Variants in ATP8B4 observed in about 807,000 individuals in gnomAD.
The protein encoded by ATP8B4 is ATPase phospholipid transporting 8B4 (putative), also known as probable phospholipid-transporting ATPase IM.
In ATP8B4, 133 loss-of-function variants were observed where a neutral mutation model predicts 145.6. That is an observed-to-expected ratio of 0.91 (90% CI 0.79 to 1.05). The LOEUF (loss-of-function observed/expected upper bound fraction) is 1.05. ATP8B4 is among the 50% of genes least tolerant of loss of function. ATP8B4 has a pLI of 0.00. For missense variants in ATP8B4, 1,458 were observed against 1,425.2 expected (o/e 1.02, Z -0.37); for synonymous variants, 507 against 492.9 (o/e 1.03, Z -0.38).
intron 1 of ATP8B4, among the ~76,000 whole-genome samples, chr15:50,173,175 G>A (rs1431501337): frequency 5.3e-5 from 8 of 151,724 alleles, no homozygotes; most frequent in African/African-American, 1.2e-4. Context: ...CTGCCCGGCC[G>A]CCACCCCGTC....
At chr15:50,098,534 T>C (rs1451236828) in intron 2 of ATP8B4, among the ~76,000 whole-genome samples, 1 of 151,884 alleles carries the variant, frequency 6.6e-6, no homozygotes, top group Non-Finnish European at 1.5e-5. Flanking sequence ...TCCTCCCACC[T>C]CAGCCTCCCA....
chr15:50,141,439 A>G (rs775093208), intron 1 of ATP8B4, among the ~76,000 whole-genome samples: 2 of 152,110 alleles, frequency 1.3e-5, no homozygotes, highest in Non-Finnish European at 2.9e-5. Flanking sequence ...GGCTGAGAGG[A>G]CCTCACAGGC....
At position 49,996,754 on chromosome 15, in the gene ATP8B4, G is replaced by A. The variant is rs759224177; in HGVS notation, c.512C>T (p.Thr171Met). The change falls in exon 9 of 28, where the codon ACG becomes ATG. Residue 171 changes from threonine to methionine, a missense_variant. Transcript: ENST00000284509. Reference sequence around the variant, plus strand: ...TAGTGCATGGCGGACTTTTAGGTTCGTTTCCCTGTGAAATTATTGACATGA... The same window carrying A: ...TAGTGCATGGCGGACTTTTAGGTTCATTTCCCTGTGAAATTATTGACATGA... ...YVETAELDGE[T>M]NLKVRHALSV... 5.0e-6 allele frequency: 8 copies of A among 1,607,904 alleles called. No individual in the cohort carries two copies. Among genetic ancestry groups the A allele is most frequent in the Non-Finnish European group, 3.4e-6 (4 of 1,175,674 alleles).
intron 14 of ATP8B4, among the ~76,000 whole-genome samples, chr15:49,947,394 T>A (rs1339621796): frequency 7.1e-6 from 1 of 140,134 alleles, no homozygotes; most frequent in African/African-American, 2.7e-5. Context: ...ATCTCACCAC[T>A]GCACTCCAGC....
chr15:49,903,811 T>C (rs1426539118), intron 20 of ATP8B4, among the ~76,000 whole-genome samples: 1 of 152,040 alleles, frequency 6.6e-6, no homozygotes, highest in Non-Finnish European at 1.5e-5. Context: ...GGAGAATCAC[T>C]TGAACCTGGG....
chr15:49,943,637 GA>G (rs1309677075), intron 14 of ATP8B4, among the ~76,000 whole-genome samples: 1 of 152,082 alleles, frequency 6.6e-6, no homozygotes. Flanking sequence ...CTTCAAAAAC[GA>G]AAGAGAGATA....
At chr15:49,888,153 C>T (rs747940832) in intron 23 of ATP8B4, among the ~76,000 whole-genome samples, 8 of 152,172 alleles carry the variant, frequency 5.3e-5, no homozygotes, top group Non-Finnish European at 7.4e-5. Flanking sequence ...AAAACCCGCT[C>T]GCAGCATCCA....
chr15:50,179,204 C>T (rs570298632), intron 1 of ATP8B4, among the ~76,000 whole-genome samples: 1 of 152,306 alleles, frequency 6.6e-6, no homozygotes, highest in South Asian at 2.1e-4. Context: ...ATAGCAGAAA[C>T]TCAATAAATA....
chr15:49,924,068 A>G (rs2040494607), intron 16 of ATP8B4, among the ~76,000 whole-genome samples: 1 of 152,010 alleles, frequency 6.6e-6, no homozygotes, highest in African/African-American at 2.4e-5. Flanking sequence ...CACTTCACAG[A>G]GGGGCTTTTA....
intron 1 of ATP8B4, among the ~76,000 whole-genome samples, chr15:50,176,045 G>GTATATATATACTGCAGAGTATATA (rs1567420226): frequency 3.3e-5 from 5 of 150,532 alleles, no homozygotes; most frequent in South Asian, 2.1e-4. Flanking sequence ...TAGAGAGAGT[G>GTATATATATACTGCAGAGTATATA]TATATATATA....
intron 1 of ATP8B4, among the ~76,000 whole-genome samples, chr15:50,117,183 G>T (rs989421329): frequency 6.6e-6 from 1 of 152,120 alleles, no homozygotes; most frequent in African/African-American, 2.4e-5. Flanking sequence ...CTGAGTAGTT[G>T]AGATTACAGG....
At chr15:50,140,593 A>T (rs1163997309) in intron 1 of ATP8B4, among the ~76,000 whole-genome samples, 1 of 152,212 alleles carries the variant, frequency 6.6e-6, no homozygotes, top group African/African-American at 2.4e-5. Flanking sequence ...AAGTAGATCA[A>T]TATTTATCAT....
chr15:50,072,515 T>C (rs191503651), intron 3 of ATP8B4, among the ~76,000 whole-genome samples: 164 of 152,202 alleles, frequency 1.1e-3, no homozygotes, highest in African/African-American at 3.9e-3. Context: ...AAATATTCCT[T>C]ACATCAATGA....
At chr15:50,173,986 C>T (rs1328378267) in intron 1 of ATP8B4, among the ~76,000 whole-genome samples, 2 of 152,146 alleles carry the variant, frequency 1.3e-5, no homozygotes, top group African/African-American at 4.8e-5. Context: ...GGGATGGTTT[C>T]ACGTACTCAA....
chr15:50,096,885 C>T (rs2056023990), intron 2 of ATP8B4, among the ~76,000 whole-genome samples: 1 of 152,144 alleles, frequency 6.6e-6, no homozygotes, highest in African/African-American at 2.4e-5. Flanking sequence ...CATGAGGAAA[C>T]AGAACCCCAA....
In ATP8B4 at chr15:49,967,099, A is replaced by G. The variant is rs377332080; in HGVS notation, c.1244-5079T>C. Among the ~76,000 whole-genome samples the G allele has an allele frequency of 6.2e-4, 95 of 152,336 alleles. 1 individual carries two copies. The highest frequency in any genetic ancestry group is 2.2e-3 in the African/African-American group (90 of 41,580). ...ACATCAACAAAAAGGACATCCACAC[A>G]AAACGCCATCTGAAGGTCACCCACA... On this transcript the variant is annotated intron_variant, in intron 13 of 27. Transcript: ENST00000284509.
At chr15:50,114,964 T>C (rs2057120070) in intron 1 of ATP8B4, among the ~76,000 whole-genome samples, 1 of 152,132 alleles carries the variant, frequency 6.6e-6, no homozygotes, top group African/African-American at 2.4e-5. Flanking sequence ...GAGGCAAAAA[T>C]TCATTTCCAG....
intron 1 of ATP8B4, among the ~76,000 whole-genome samples, chr15:50,174,296 TA>T (rs1210253384): frequency 6.6e-6 from 1 of 151,818 alleles, no homozygotes; most frequent in Non-Finnish European, 1.5e-5. Flanking sequence ...CTAGCCAGAG[TA>T]ATCAGACGAG....
intron 1 of ATP8B4, among the ~76,000 whole-genome samples, chr15:50,145,082 A>G (rs2044260244): frequency 6.6e-6 from 1 of 152,216 alleles, no homozygotes; most frequent in Admixed American, 6.5e-5. Context: ...AATCCCAGCT[A>G]TATGTACCAC....
Sources: gnomAD v4.1 joint callset for allele counts (sites outside exome capture counted in the v4.1 genomes callset) on GRCh38, gnomAD v4.1.1 for gene constraint, MANE v1.5 for transcripts, NCBI Gene and HGNC (gene_info 2026-07-23, HGNC 2026-07-21) for gene names.